Variants in ELMO1 observed in about 807,000 individuals in gnomAD.
The protein encoded by ELMO1 is engulfment and cell motility 1.
Under a neutral mutation model 98.9 loss-of-function variants are expected in ELMO1, and 26 were observed. The observed-to-expected ratio is 0.26, with a 90% confidence interval of 0.19 to 0.36. The LOEUF (loss-of-function observed/expected upper bound fraction) is 0.36. ELMO1 is among the 10% of genes least tolerant of loss of function. The pLI is 1.00. For missense variants in ELMO1, 627 were observed against 935.2 expected (o/e 0.67, Z 4.30); for synonymous variants, 346 against 346.0 (o/e 1.00, Z 0.00).
intron 11 of ELMO1, among the ~76,000 whole-genome samples, chr7:37,215,820 T>C (rs1793247668): frequency 6.6e-6 from 1 of 152,162 alleles, no homozygotes; most frequent in South Asian, 2.1e-4. Context: ...TGGGGAACTA[T>C]AATTAACAAA....
chr7:37,365,686 C>T (rs577361339), intron 1 of ELMO1, among the ~76,000 whole-genome samples: 1 of 152,350 alleles, frequency 6.6e-6, no homozygotes, highest in East Asian at 1.9e-4. Flanking sequence ...CTAACCAATG[C>T]ATTAATCAAC....
In ELMO1 at chr7:36,855,776, A is replaced by G; in HGVS notation, c.1984-25T>C. The G allele has an allele frequency of 1.9e-6, 3 of 1,613,436 alleles. No homozygotes were observed. The highest frequency in any genetic ancestry group is 2.5e-6 in the Non-Finnish European group (3 of 1,179,556). On this transcript the variant is annotated intron_variant, in intron 21 of 21. Coordinates refer to ENST00000310758, the MANE Select transcript of ELMO1 (RefSeq NM_014800.11). This position sits in a 1 kb window ranked among gnomAD's most constrained non-coding sequence, Gnocchi z 4.2. ...ACTGGCAGGAAGGGAGGCAACAGCG[A>G]TCATTACTGGTGGCAATTACAGAAG...
At chr7:36,971,627 GTTAT>G (rs1456023841) in intron 16 of ELMO1, among the ~76,000 whole-genome samples, 1 of 152,172 alleles carries the variant, frequency 6.6e-6, no homozygotes, top group Non-Finnish European at 1.5e-5. Context: ...TAAGCCTGGC[GTTAT>G]TTACTCACTA....
chr7:37,323,751 C>T (rs1333411302), intron 2 of ELMO1, among the ~76,000 whole-genome samples: 2 of 152,060 alleles, frequency 1.3e-5, no homozygotes, highest in Non-Finnish European at 2.9e-5. Context: ...ATTCTTTTTC[C>T]TTTGCCCATA....
At chr7:37,272,583 G>A (rs1236581809) in intron 4 of ELMO1, among the ~76,000 whole-genome samples, 1 of 152,080 alleles carries the variant, frequency 6.6e-6, no homozygotes, top group South Asian at 2.1e-4. Flanking sequence ...GCTGAGACAG[G>A]AGAATTGCTT....
intron 16 of ELMO1, among the ~76,000 whole-genome samples, chr7:36,906,708 T>G (rs759107019): frequency 3.1e-4 from 47 of 152,172 alleles, no homozygotes; most frequent in Non-Finnish European, 5.6e-4. Flanking sequence ...GGAGGATCGC[T>G]TGAGCCCAGG....
At chr7:37,303,046 G>A (rs1169826802) in intron 4 of ELMO1, among the ~76,000 whole-genome samples, 1 of 151,910 alleles carries the variant, frequency 6.6e-6, no homozygotes, top group Admixed American at 6.6e-5. Flanking sequence ...TTTTCTTTTT[G>A]GTCTTTTTCA....
intron 1 of ELMO1, among the ~76,000 whole-genome samples, chr7:37,376,644 T>C (rs1315924259): frequency 2.0e-5 from 3 of 152,266 alleles, no homozygotes; most frequent in East Asian, 1.9e-4. Context: ...TGAGTTCATC[T>C]ACAACCAATC....
intron 15 of ELMO1, among the ~76,000 whole-genome samples, chr7:37,023,819 A>G (rs529208294): frequency 6.6e-6 from 1 of 152,120 alleles, no homozygotes; most frequent in South Asian, 2.1e-4. Context: ...CCTGACCTCA[A>G]GTGATCTGCC....
intron 17 of ELMO1, among the ~76,000 whole-genome samples, chr7:36,891,776 A>G (rs1457570477): frequency 1.3e-5 from 2 of 152,256 alleles, no homozygotes; most frequent in East Asian, 3.8e-4. Context: ...ACTTGCTTAC[A>G]GAGCCACATT....
chr7:37,234,392 C>T (rs978604317), intron 7 of ELMO1, among the ~76,000 whole-genome samples: 1 of 152,186 alleles, frequency 6.6e-6, no homozygotes. Context: ...TTCCCTTCTT[C>T]CTACTGTTCT....
At chr7:37,410,093 T>C (rs892865272) in intron 1 of ELMO1, among the ~76,000 whole-genome samples, 12 of 152,256 alleles carry the variant, frequency 7.9e-5, no homozygotes, top group Admixed American at 2.0e-4. Context: ...TTAACTACTA[T>C]GACTATTTTG....
chr7:37,286,507 A>C (rs538341595), intron 4 of ELMO1, among the ~76,000 whole-genome samples: 1 of 152,320 alleles, frequency 6.6e-6, no homozygotes, highest in Admixed American at 6.5e-5. Context: ...TCAGACCCAC[A>C]CCACACAGTG....
At chr7:37,288,753 A>G (rs542838973) in intron 4 of ELMO1, among the ~76,000 whole-genome samples, 1 of 152,342 alleles carries the variant, frequency 6.6e-6, no homozygotes, top group South Asian at 2.1e-4. Context: ...TGGAGGATGA[A>G]AGGCCTTAAG....
Position 37,259,427 on chromosome 7 carries a change from G to A in ELMO1, c.244-77C>T. The A allele has an allele frequency of 2.6e-6, 4 of 1,517,832 alleles. No individual in the cohort carries two copies. The South Asian group carries it at 4.8e-5, about 18-fold the overall frequency. 94.0% of individuals were successfully genotyped at this position (1,517,832 alleles called of 1,614,324 possible). ...CAAAACAGATTTATGTTTCAATGAG[G>A]AACAGAGATACAAAAGCCAAAAGCG... On this transcript the variant is annotated intron_variant, in intron 5 of 21. Coordinates refer to ENST00000310758, the MANE Select transcript of ELMO1 (RefSeq NM_014800.11).
intron 16 of ELMO1, among the ~76,000 whole-genome samples, chr7:36,932,511 T>TGG (rs1786131896): frequency 1.3e-5 from 2 of 152,202 alleles, no homozygotes; most frequent in African/African-American, 4.8e-5. Flanking sequence ...GGATTGACTG[T>TGG]GGCTTACTCT....
intron 4 of ELMO1, among the ~76,000 whole-genome samples, chr7:37,294,450 G>A (rs917375155): frequency 1.2e-4 from 19 of 152,106 alleles, no homozygotes; most frequent in Non-Finnish European, 2.1e-4. Context: ...TCAGGGTGAC[G>A]GGAATAGAAA....
At chr7:36,909,909 G>T (rs1317138464) in intron 16 of ELMO1, among the ~76,000 whole-genome samples, 1 of 152,142 alleles carries the variant, frequency 6.6e-6, no homozygotes, top group Non-Finnish European at 1.5e-5. Context: ...ATAAATGAAT[G>T]AATGACCAAA....
At chr7:37,042,867 C>T (rs1795599468) in intron 15 of ELMO1, among the ~76,000 whole-genome samples, 1 of 152,234 alleles carries the variant, frequency 6.6e-6, no homozygotes. Flanking sequence ...CTAGCCCCCA[C>T]ACTCTGGAAT....
Sources: allele counts gnomAD v4.1 joint callset (sites outside exome capture counted in the v4.1 genomes callset), GRCh38; gene constraint gnomAD v4.1.1; non-coding constraint Gnocchi (gnomAD v3.1); transcripts MANE v1.5; gene names NCBI Gene and HGNC (gene_info 2026-07-23, HGNC 2026-07-21).